The following ASPH variants were observed in gnomAD, a reference collection of about 807,000 sequenced individuals.
The protein encoded by ASPH is aspartate beta-hydroxylase, also known as aspartyl/asparaginyl beta-hydroxylase.
Under a neutral mutation model 118.4 loss-of-function variants are expected in ASPH, and 100 were observed. The ratio of observed to expected loss-of-function variants is 0.84; its 90% CI spans 0.72 to 1.00. The LOEUF (loss-of-function observed/expected upper bound fraction) is 1.00. Ranked by LOEUF, ASPH falls within the 50% of genes least tolerant of loss-of-function variation. The pLI is 0.00. For missense variants in ASPH, 920 were observed against 919.5 expected, an observed-to-expected ratio of 1.00 and a Z score of -0.01; for synonymous variants, 315 against 325.6, an observed-to-expected ratio of 0.97 and a Z score of 0.35.
intron 19 of ASPH, among the ~76,000 whole-genome samples, chr8:61,553,822 A>G (rs978475143): frequency 1.3e-4 from 20 of 152,382 alleles, no homozygotes; most frequent in Non-Finnish European, 2.2e-4. Flanking sequence ...GCAGAAGGAC[A>G]AAAGTTAAAA....
rs150059321 is a variant in ASPH, at chr8:61,590,043, T to G, written c.977-6014A>C. Among the ~76,000 whole-genome samples the G allele has an allele frequency of 1.1e-3, 172 of 152,150 alleles. 3 individuals carry two copies. In the East Asian group the frequency reaches 0.031, roughly 27 times the overall value. ...CTTTATTGTTAGGTTTTTTTGTTTG[T>G]TTTTTGGTTTTTTTGTTTTGTTTTT... On this transcript the variant is annotated intron_variant, in intron 14 of 24. Coordinates refer to ENST00000379454, the MANE Select transcript of ASPH (RefSeq NM_004318.4).
intron 21 of ASPH, among the ~76,000 whole-genome samples, chr8:61,533,664 A>G (rs1818415657): frequency 6.6e-6 from 1 of 152,058 alleles, no homozygotes; most frequent in East Asian, 1.9e-4. Flanking sequence ...AGATAAGTCT[A>G]TTCTCTGAGG....
At chr8:61,658,827 A>G in intron 3 of ASPH, 1 of 152,212 alleles carries the variant, frequency 6.6e-6, no homozygotes, top group East Asian at 1.9e-4. Context: ...TCAACAGTAT[A>G]TATACACCTG....
chr8:61,607,581 C>A (rs1047180594), intron 14 of ASPH, among the ~76,000 whole-genome samples: 2 of 151,632 alleles, frequency 1.3e-5, no homozygotes, highest in Non-Finnish European at 2.9e-5. Flanking sequence ...ACTGTTATGC[C>A]CTCAGTAATG....
chr8:61,616,618 T>C (rs1398429781), intron 14 of ASPH, among the ~76,000 whole-genome samples: 1 of 152,192 alleles, frequency 6.6e-6, no homozygotes, highest in Non-Finnish European at 1.5e-5. Context: ...TTTGACTTTC[T>C]CTAACTGTAT....
At chr8:61,619,865 G>A (rs577106792) in intron 13 of ASPH, among the ~76,000 whole-genome samples, 13 of 152,228 alleles carry the variant, frequency 8.5e-5, no homozygotes, top group South Asian at 2.1e-4. Context: ...GAATACGGTC[G>A]TATGCACATA....
chr8:61,696,940 G>A (rs1834042635), intron 1 of ASPH, among the ~76,000 whole-genome samples: 1 of 152,150 alleles, frequency 6.6e-6, no homozygotes, highest in South Asian at 2.1e-4. Flanking sequence ...CTGCCAATAT[G>A]GACAACTAAC....
chr8:61,572,897 A>T (rs1453863513), intron 16 of ASPH, among the ~76,000 whole-genome samples: 1 of 152,222 alleles, frequency 6.6e-6, no homozygotes, highest in Non-Finnish European at 1.5e-5. Flanking sequence ...AAGCGTATTC[A>T]AATAGAAAGA....
intron 15 of ASPH, chr8:61,578,991 A>G: frequency 3.7e-6 from 6 of 1,610,992 alleles, no homozygotes; most frequent in Non-Finnish European, 5.1e-6. Flanking sequence ...GGACATGGAC[A>G]GCATCATTGC....
intron 14 of ASPH, among the ~76,000 whole-genome samples, chr8:61,601,066 C>T (rs1303542269): frequency 6.6e-6 from 1 of 151,044 alleles, no homozygotes; most frequent in Non-Finnish European, 1.5e-5. Flanking sequence ...ATGTTCATTC[C>T]CCTAGTTACA....
At chr8:61,626,304 AAT>A (rs1852783648) in intron 13 of ASPH, 1 of 1,555,942 alleles carries the variant, frequency 6.4e-7, no homozygotes, top group Non-Finnish European at 8.7e-7. Context: ...GGGAAATCTA[AAT>A]TAAAGGACCA....
At chr8:61,650,277 C>T (rs974000220) in intron 5 of ASPH, among the ~76,000 whole-genome samples, 1 of 152,130 alleles carries the variant, frequency 6.6e-6, no homozygotes, top group East Asian at 1.9e-4. Context: ...GGCTCCTACA[C>T]CCCTAGCATC....
chr8:61,506,339 G>T (rs1468931909), intron 24 of ASPH, among the ~76,000 whole-genome samples: 1 of 152,118 alleles, frequency 6.6e-6, no homozygotes, highest in East Asian at 1.9e-4. Flanking sequence ...ACGGGAATGG[G>T]AGTTATTTAA....
At chr8:61,597,851 C>G (rs1272125457) in intron 14 of ASPH, among the ~76,000 whole-genome samples, 1 of 152,172 alleles carries the variant, frequency 6.6e-6, no homozygotes, top group Non-Finnish European at 1.5e-5. Flanking sequence ...TTTATCACCA[C>G]TAAGCCAGCC....
At chr8:61,681,057 T>C in intron 2 of ASPH, 21 bp from the exon 3 acceptor site, 3 of 1,546,266 alleles carry the variant, frequency 1.9e-6, no homozygotes, top group Non-Finnish European at 2.6e-6. Flanking sequence ...GCAGAAATGA[T>C]GGATATGGGA....
intron 14 of ASPH, among the ~76,000 whole-genome samples, chr8:61,586,893 G>A (rs935363196): frequency 5.3e-5 from 8 of 152,186 alleles, no homozygotes; most frequent in African/African-American, 1.9e-4. Flanking sequence ...ACTGAGCTGA[G>A]CTGAGCTGAC....
chr8:61,568,514 G>A (rs1695935109), intron 16 of ASPH, among the ~76,000 whole-genome samples: 1 of 152,116 alleles, frequency 6.6e-6, no homozygotes. Flanking sequence ...GATTTGTTTT[G>A]GACATATTAA....
intron 10 of ASPH, among the ~76,000 whole-genome samples, chr8:61,639,613 C>T (rs1442476193): frequency 7.2e-5 from 11 of 152,202 alleles, no homozygotes; most frequent in Admixed American, 7.2e-4. Context: ...CACCTCATGT[C>T]TCCCTCAATC....
At chr8:61,534,652 T>C (rs964617466) in intron 21 of ASPH, among the ~76,000 whole-genome samples, 5 of 152,248 alleles carry the variant, frequency 3.3e-5, no homozygotes, top group African/African-American at 1.2e-4. Flanking sequence ...CAAGTGATAC[T>C]TGAGGTTTGA....
Sources: gnomAD v4.1 joint callset for allele counts (sites outside exome capture counted in the v4.1 genomes callset) on GRCh38, gnomAD v4.1.1 for gene constraint, MANE v1.5 for transcripts, NCBI Gene and HGNC (gene_info 2026-07-23, HGNC 2026-07-21) for gene names.